CACNA2D3: variants seen among roughly 807,000 people sequenced by gnomAD.
CACNA2D3 encodes calcium voltage-gated channel auxiliary subunit alpha2delta 3.
In CACNA2D3, 60 loss-of-function variants were observed where a neutral mutation model predicts 160.6. That is an observed-to-expected ratio of 0.37 (90% CI 0.30 to 0.46). The LOEUF (loss-of-function observed/expected upper bound fraction) is 0.46. CACNA2D3 is among the 20% of genes least tolerant of loss of function. The pLI is 1.00. For missense variants in CACNA2D3, 1,205 were observed against 1,365.0 expected, an observed-to-expected ratio of 0.88 and a Z score of 1.85; for synonymous variants, 558 against 492.9, an observed-to-expected ratio of 1.13 and a Z score of -1.75.
At chr3:54,997,977 CCTGGA>C (rs1702895912) in intron 31 of CACNA2D3, among the ~76,000 whole-genome samples, 1 of 152,158 alleles carries the variant, frequency 6.6e-6, no homozygotes, top group African/African-American at 2.4e-5. Flanking sequence ...AACTATGAGA[CCTGGA>C]CTAATAATCC....
chr3:54,520,150 C>T (rs1230213024), intron 5 of CACNA2D3, among the ~76,000 whole-genome samples: 2 of 152,192 alleles, frequency 1.3e-5, no homozygotes, highest in East Asian at 1.9e-4. Context: ...GACTGAAGTT[C>T]ATTACATGTG....
At chr3:54,342,926 C>G (rs973732801) in intron 3 of CACNA2D3, among the ~76,000 whole-genome samples, 1 of 152,016 alleles carries the variant, frequency 6.6e-6, no homozygotes, top group African/African-American at 2.4e-5. Context: ...GCATGAGGCC[C>G]GGGGGGGCCC....
At chr3:54,958,866 G>T (rs1261988476) in intron 27 of CACNA2D3, among the ~76,000 whole-genome samples, 3 of 152,136 alleles carry the variant, frequency 2.0e-5, no homozygotes, top group Admixed American at 6.5e-5. Flanking sequence ...CACTTTGGGA[G>T]GCCAAGGCAG....
At chr3:54,521,295 T>G (rs111638319) in intron 5 of CACNA2D3, among the ~76,000 whole-genome samples, 418 of 152,338 alleles carry the variant, frequency 2.7e-3, no homozygotes, top group African/African-American at 9.6e-3. Context: ...CTGTGATGAC[T>G]AATGATTTCA....
intron 27 of CACNA2D3, among the ~76,000 whole-genome samples, chr3:54,950,629 A>C (rs1305516772): frequency 1.3e-5 from 2 of 152,214 alleles, no homozygotes; most frequent in African/African-American, 2.4e-5. Flanking sequence ...GCACAGCTCC[A>C]GGCTGTGGCA....
At chr3:54,381,427 G>A (rs910097056) in intron 3 of CACNA2D3, among the ~76,000 whole-genome samples, 2 of 152,140 alleles carry the variant, frequency 1.3e-5, no homozygotes, top group East Asian at 1.9e-4. Context: ...GCCTCTCACC[G>A]CACAATTCTT....
At chr3:54,783,099 C>T (rs540199225) in intron 13 of CACNA2D3, among the ~76,000 whole-genome samples, 2 of 152,180 alleles carry the variant, frequency 1.3e-5, no homozygotes, top group South Asian at 4.2e-4. Flanking sequence ...GGGTCTTCTG[C>T]CCAGGTGTGA....
intron 27 of CACNA2D3, among the ~76,000 whole-genome samples, chr3:54,911,895 C>T (rs541958135): frequency 6.8e-4 from 104 of 152,332 alleles, no homozygotes; most frequent in South Asian, 3.3e-3. Flanking sequence ...CTTAAAGCTA[C>T]AGACATTGTA....
At chr3:54,281,656 C>T (rs1490905028) in intron 2 of CACNA2D3, among the ~76,000 whole-genome samples, 1 of 152,208 alleles carries the variant, frequency 6.6e-6, no homozygotes, top group African/African-American at 2.4e-5. Flanking sequence ...TTATTGATGT[C>T]TTCCTGCCTC....
intron 17 of CACNA2D3, among the ~76,000 whole-genome samples, chr3:54,855,284 T>C (rs1699144122): frequency 6.6e-6 from 1 of 152,018 alleles, no homozygotes; most frequent in Non-Finnish European, 1.5e-5. Context: ...ATAAGCCTAC[T>C]AGTCTCCGGG....
chr3:54,348,547 G>A (rs905105538), intron 3 of CACNA2D3, among the ~76,000 whole-genome samples: 1 of 152,128 alleles, frequency 6.6e-6, no homozygotes. Flanking sequence ...ATGGAAATTC[G>A]AAGCACACTA....
At chr3:54,206,406 A>G (rs560313037) in intron 2 of CACNA2D3, among the ~76,000 whole-genome samples, 33 of 152,306 alleles carry the variant, frequency 2.2e-4, no homozygotes, top group Admixed American at 8.5e-4. Flanking sequence ...CTAAAACTCT[A>G]TTGAGATGGT....
At chr3:54,879,479 A>G in intron 20 of CACNA2D3, 68 bp downstream of exon 20, 2 of 1,123,716 alleles carry the variant, frequency 1.8e-6, no homozygotes, top group Middle Eastern at 2.0e-4. Context: ...AAACCTGCTG[A>G]CACTCTCAGA....
chr3:54,729,609 T>C (rs1367917543), intron 11 of CACNA2D3, among the ~76,000 whole-genome samples: 1 of 152,206 alleles, frequency 6.6e-6, no homozygotes, highest in Non-Finnish European at 1.5e-5. Flanking sequence ...TCGAGTGTTA[T>C]CAATAAGAGT....
chr3:54,570,242 T>G, intron 8 of CACNA2D3, 138 bp downstream of exon 8: 2 of 916,850 alleles, frequency 2.2e-6, no homozygotes, highest in Non-Finnish European at 3.4e-6. Context: ...TCATGAAAGT[T>G]GACAGAGTCA....
intron 2 of CACNA2D3, among the ~76,000 whole-genome samples, chr3:54,207,565 T>G (rs1030355510): frequency 3.9e-5 from 6 of 152,204 alleles, no homozygotes; most frequent in Admixed American, 2.6e-4. Flanking sequence ...CTGCTAACCT[T>G]CCTGGATGAA....
chr3:54,537,215 T>C (rs1701903860), intron 5 of CACNA2D3, among the ~76,000 whole-genome samples: 2 of 152,018 alleles, frequency 1.3e-5, no homozygotes, highest in Admixed American at 1.3e-4. Flanking sequence ...TCTTTGGCCA[T>C]GTGCGCGATT....
chr3:54,251,876 A>G (rs1702194904), intron 2 of CACNA2D3, among the ~76,000 whole-genome samples: 3 of 152,224 alleles, frequency 2.0e-5, no homozygotes, highest in Admixed American at 6.5e-5. Context: ...AGACAGAACA[A>G]TAGTGTGAAA....
intron 4 of CACNA2D3, among the ~76,000 whole-genome samples, chr3:54,467,079 G>A (rs1313912757): frequency 3.3e-5 from 5 of 152,178 alleles, no homozygotes; most frequent in African/African-American, 7.2e-5. Flanking sequence ...GAGAAGACCA[G>A]GGTGGGATTT....
Sources: gnomAD v4.1 joint callset for allele counts (sites outside exome capture counted in the v4.1 genomes callset) on GRCh38, gnomAD v4.1.1 for gene constraint, MANE v1.5 for transcripts, NCBI Gene and HGNC (gene_info 2026-07-23, HGNC 2026-07-21) for gene names.